The following KANK1 variants were observed in gnomAD, a reference collection of about 807,000 sequenced individuals.
KANK1 encodes KN motif and ankyrin repeat domain-containing protein 1.
Under a neutral mutation model 106.2 loss-of-function variants are expected in KANK1, and 109 were observed. The observed-to-expected ratio is 1.03, with a 90% confidence interval of 0.88 to 1.20. The LOEUF is 1.20. Ranked by LOEUF, KANK1 falls within the 50% of genes most tolerant of loss-of-function variation. The pLI is 0.00. For synonymous variants in KANK1, 873 were observed against 652.2 expected, an observed-to-expected ratio of 1.34 and a Z score of -5.16; for missense variants, 2,399 against 1,710.7, an observed-to-expected ratio of 1.40 and a Z score of -7.10.
At chr9:744,789 T>C in intron 11 of KANK1, 200 bp downstream of exon 11, 1 of 1,458,950 alleles carries the variant, frequency 6.9e-7, no homozygotes, top group Non-Finnish European at 9.0e-7. Flanking sequence ...AGGCTGGACC[T>C]TGCTTGTCCT....
intron 1 of KANK1, among the ~76,000 whole-genome samples, chr9:532,237 C>CTTT (rs34351693): frequency 2.8e-5 from 3 of 107,768 alleles, no homozygotes; most frequent in Admixed American, 9.7e-5. Context: ...GAGCATTTGT[C>CTTT]TTTTTTTTTT....
At chr9:679,718 A>T (rs1040357241) in intron 2 of KANK1, among the ~76,000 whole-genome samples, 10 of 152,228 alleles carry the variant, frequency 6.6e-5, no homozygotes, top group Non-Finnish European at 1.5e-4. Context: ...AAAATTTAAA[A>T]GTATAGATGT....
At chr9:548,312 CT>C (rs894648656) in intron 1 of KANK1, among the ~76,000 whole-genome samples, 3 of 152,140 alleles carry the variant, frequency 2.0e-5, no homozygotes, top group Admixed American at 2.0e-4. Flanking sequence ...CCAGCTTTTT[CT>C]TGGTGTTATT....
At chr9:575,628 GT>G (rs1162777146) in intron 1 of KANK1, among the ~76,000 whole-genome samples, 5 of 152,064 alleles carry the variant, frequency 3.3e-5, no homozygotes, top group African/African-American at 1.2e-4. Context: ...CCATGATCAT[GT>G]CACTGCACTC....
At chr9:517,462 T>TGGCCGGGCGCGG (rs2059334932) in intron 1 of KANK1, among the ~76,000 whole-genome samples, 1 of 151,540 alleles carries the variant, frequency 6.6e-6, no homozygotes, top group African/African-American at 2.4e-5. Flanking sequence ...AGAACACTGT[T>TGGCCGGGCGCGG]TCTTTTTGTT....
intron 1 of KANK1, among the ~76,000 whole-genome samples, chr9:635,418 T>C (rs960824749): frequency 3.3e-5 from 5 of 152,146 alleles, no homozygotes; most frequent in African/African-American, 9.7e-5. Flanking sequence ...CTCTATTCCT[T>C]CATGTGCTTC....
intron 1 of KANK1, among the ~76,000 whole-genome samples, chr9:513,063 A>C (rs1246534892): frequency 6.6e-6 from 1 of 152,206 alleles, no homozygotes; most frequent in Non-Finnish European, 1.5e-5. Flanking sequence ...AGGCTTGACA[A>C]TGAGGCTCTT....
chr9:521,135 C>G (rs182491562), intron 1 of KANK1, among the ~76,000 whole-genome samples: 9 of 151,712 alleles, frequency 5.9e-5, no homozygotes, highest in African/African-American at 9.7e-5. Context: ...GATATGAAAT[C>G]GGAATTCTTT....
At chr9:597,875 A>G (rs1826618237) in intron 1 of KANK1, among the ~76,000 whole-genome samples, 1 of 151,540 alleles carries the variant, frequency 6.6e-6, no homozygotes, top group Non-Finnish European at 1.5e-5. Context: ...CGTGTTGGCC[A>G]GGCTATCTTG....
intron 2 of KANK1, among the ~76,000 whole-genome samples, chr9:682,554 G>A (rs904039504): frequency 6.6e-6 from 1 of 152,126 alleles, no homozygotes; most frequent in Non-Finnish European, 1.5e-5. Context: ...TCCTTATGGT[G>A]TTTCTACCAG....
chr9:683,225 T>C (rs1009268810), intron 2 of KANK1, among the ~76,000 whole-genome samples: 1 of 152,162 alleles, frequency 6.6e-6, no homozygotes, highest in Non-Finnish European at 1.5e-5. Flanking sequence ...TCCGTGACTT[T>C]TCAGGGTCTC....
chr9:600,475 C>T (rs1827461296), intron 1 of KANK1, among the ~76,000 whole-genome samples: 1 of 151,720 alleles, frequency 6.6e-6, no homozygotes, highest in African/African-American at 2.4e-5. Flanking sequence ...TTTTCATTCC[C>T]ATACAATGTG....
Position 614,503 on chromosome 9 carries a change from C to T in KANK1, c.-83-62387C>T, listed in dbSNP as rs952252738. On this transcript the variant is annotated intron_variant, in intron 1 of 11. Coordinates refer to ENST00000382297, the MANE Select transcript of KANK1 (RefSeq NM_015158.5). The stretch of plus-strand genomic sequence containing the variant: ...ATCTTGGCTGACACTGATCTTGGTC[C>T]TATCCTAGTGGCAATCTCTTAACAG... Among the ~76,000 whole-genome samples the T allele has an allele frequency of 2.6e-5, 4 of 152,134 alleles. 1 individual carries two copies. Among genetic ancestry groups the T allele is most frequent in the Admixed American group, 1.3e-4 (2 of 15,282 alleles).
chr9:556,120 AAGAATTGTAACTGAATAC>A (rs1442085560), intron 1 of KANK1, among the ~76,000 whole-genome samples: 1 of 152,224 alleles, frequency 6.6e-6, no homozygotes, highest in Admixed American at 6.5e-5. Flanking sequence ...AAAATACCCA[AAGAATTGTAACTGAATAC>A]AGAAGCATTT....
chr9:574,470 T>C (rs1202196161), intron 1 of KANK1, among the ~76,000 whole-genome samples: 5 of 152,104 alleles, frequency 3.3e-5, no homozygotes, highest in Admixed American at 2.0e-4. Flanking sequence ...TAAATTGAAG[T>C]ATGTCATTTA....
At chr9:658,156 G>T (rs1419402241) in intron 1 of KANK1, among the ~76,000 whole-genome samples, 2 of 152,102 alleles carry the variant, frequency 1.3e-5, no homozygotes, top group Non-Finnish European at 2.9e-5. Flanking sequence ...GGAATGTCCA[G>T]TGTCCTTTCC....
At chr9:536,184 T>TA (rs936903816) in intron 1 of KANK1, among the ~76,000 whole-genome samples, 6 of 151,354 alleles carry the variant, frequency 4.0e-5, no homozygotes, top group African/African-American at 4.9e-5. Flanking sequence ...CTAAAAAATA[T>TA]AAAAAAAATA....
chr9:503,306 G>A (rs1403325868), upstream of KANK1, among the ~76,000 whole-genome samples: 2 of 152,048 alleles, frequency 1.3e-5, no homozygotes, highest in African/African-American at 4.8e-5. Context: ...CTCTACAGAC[G>A]AAAAAGCAAG....
chr9:623,040 AG>A (rs1833516166), intron 1 of KANK1, among the ~76,000 whole-genome samples: 1 of 152,224 alleles, frequency 6.6e-6, no homozygotes, highest in Non-Finnish European at 1.5e-5. Context: ...AGGCAACAAA[AG>A]CAAAAACATA....
Sources: allele counts gnomAD v4.1 joint callset (sites outside exome capture counted in the v4.1 genomes callset), GRCh38; gene constraint gnomAD v4.1.1; transcripts MANE v1.5; gene names NCBI Gene and HGNC (gene_info 2026-07-23, HGNC 2026-07-21).